PCED1B: variants seen among roughly 807,000 people sequenced by gnomAD.
PCED1B encodes PC-esterase domain-containing protein 1B.
For synonymous variants in PCED1B, 251 were observed against 246.1 expected (o/e 1.02, Z -0.19); for missense variants, 573 against 573.9 (o/e 1.00, Z 0.02).
At chr12:47,192,514 A>C (rs1380800063) in intron 2 of PCED1B, among the ~76,000 whole-genome samples, 1 of 152,190 alleles carries the variant, frequency 6.6e-6, no homozygotes, top group Non-Finnish European at 1.5e-5. Context: ...TCACTTGGAG[A>C]GTCCACTTTA....
chr12:47,085,650 A>C (rs577945687), intron 1 of PCED1B, among the ~76,000 whole-genome samples: 7 of 152,300 alleles, frequency 4.6e-5, no homozygotes, highest in African/African-American at 1.7e-4. Context: ...TAAAAGAAAA[A>C]ATATATATGT....
Position 47,104,183 on chromosome 12 carries a change from C to T in PCED1B, c.-538C>T, listed in dbSNP as rs1020072059. The stretch of plus-strand genomic sequence containing the variant: ...GTCAGGGGAGTGTTGAAGACTCTGC[C>T]TCCTACAAATATGTGAGTTTTTCTC... On this transcript the variant is annotated 5_prime_UTR_variant, in exon 2 of 4. Transcript: ENST00000546455. The T allele has an allele frequency of 3.3e-5, 5 of 152,166 alleles. No individual in the cohort carries two copies. The highest frequency in any genetic ancestry group is 5.9e-5 in the Non-Finnish European group (4 of 68,030). The allele number at this position is 152,166 out of a possible 1,614,324, so 9.4% of individuals were successfully genotyped here.
Position 47,089,181 on chromosome 12 carries a change from G to A in PCED1B, c.-609+9456G>A, listed in dbSNP as rs553778445. Reference sequence around the variant, plus strand: ...CAAAAGGCCAGGCGTGGTGGCTCACGCCTGTAATCCCAGCACTTTGGGAGG... The same window carrying A: ...CAAAAGGCCAGGCGTGGTGGCTCACACCTGTAATCCCAGCACTTTGGGAGG... On this transcript the variant is annotated intron_variant, in intron 1 of 3. Coordinates refer to ENST00000546455, the MANE Select transcript of PCED1B (RefSeq NM_138371.3). Among the ~76,000 whole-genome samples, 665 of 151,994 alleles carry A rather than the reference G, an allele frequency of 4.4e-3. 3 individuals carry two copies. The highest frequency in any genetic ancestry group is 7.7e-3 in the Non-Finnish European group (526 of 67,952).
At chr12:47,209,067 T>C (rs1942998973) in intron 2 of PCED1B, 1 of 152,280 alleles carries the variant, frequency 6.6e-6, no homozygotes, top group African/African-American at 2.4e-5. Flanking sequence ...TCTATGCTGC[T>C]CAGGACACAG....
At chr12:47,115,080 G>C (rs1172534939) in intron 2 of PCED1B, among the ~76,000 whole-genome samples, 1 of 152,100 alleles carries the variant, frequency 6.6e-6, no homozygotes, top group Non-Finnish European at 1.5e-5. Flanking sequence ...GTATAAAAAG[G>C]TATATAATAA....
At chr12:47,211,653 CAAAAAA>C (rs760117906) in intron 2 of PCED1B, among the ~76,000 whole-genome samples, 1 of 65,644 alleles carries the variant, frequency 1.5e-5, no homozygotes, top group Non-Finnish European at 2.9e-5. Flanking sequence ...GACTCTGTCT[CAAAAAA>C]AAAAAAAAAA....
chr12:47,153,133 A>C (rs1393175568), intron 2 of PCED1B, among the ~76,000 whole-genome samples: 1 of 151,976 alleles, frequency 6.6e-6, no homozygotes, highest in Non-Finnish European at 1.5e-5. Context: ...GCAGATCACG[A>C]GGTCAGGAGA....
At chr12:47,121,824 C>T (rs559265341) in intron 2 of PCED1B, among the ~76,000 whole-genome samples, 27 of 151,994 alleles carry the variant, frequency 1.8e-4, no homozygotes, top group African/African-American at 6.3e-4. Context: ...TTGAGGTCAG[C>T]AGTTCGAGAC....
chr12:47,235,810 C>T lies in PCED1B; in HGVS notation c.747C>T (p.Ala249=). ...CCCAGCTGCTGCTGGCCCACGTGGC[C>T]GACGCCTGGGGTGTGGAGCTGCCCC... is the stretch of plus-strand genomic sequence containing the variant. ...CLSQLLLAHV[A]DAWGVELPHR... is the part of the protein sequence containing the mutation. Residue 249 remains alanine (A), a synonymous_variant, in exon 4 of 4, where the codon GCC becomes GCT. Transcript: ENST00000546455. The T allele has an allele frequency of 1.3e-6, 2 of 1,576,628 alleles. No homozygotes were observed. The highest frequency in any genetic ancestry group is 1.7e-6 in the Non-Finnish European group (2 of 1,161,318).
intron 2 of PCED1B, among the ~76,000 whole-genome samples, chr12:47,191,488 G>A (rs1236270035): frequency 3.3e-5 from 5 of 152,118 alleles, no homozygotes; most frequent in Non-Finnish European, 7.4e-5. Context: ...CCAGGCAAAC[G>A]TTCACATGTT....
At chr12:47,087,898 C>G (rs1565738904) in intron 1 of PCED1B, among the ~76,000 whole-genome samples, 1 of 152,184 alleles carries the variant, frequency 6.6e-6, no homozygotes, top group Admixed American at 6.5e-5. Context: ...AGTAGTGTCT[C>G]TCTCCTGCAC....
chr12:47,090,838 T>G (rs980147416), intron 1 of PCED1B, among the ~76,000 whole-genome samples: 1 of 152,138 alleles, frequency 6.6e-6, no homozygotes, highest in Non-Finnish European at 1.5e-5. Context: ...GGTTTAACTA[T>G]TTTGTTGTTC....
chr12:47,169,580 A>G (rs1442201953), intron 2 of PCED1B, among the ~76,000 whole-genome samples: 2 of 152,160 alleles, frequency 1.3e-5, no homozygotes, highest in East Asian at 3.8e-4. Context: ...AGAATTCTGA[A>G]AGACATATAT....
At chr12:47,206,756 A>C (rs1056618011) in intron 2 of PCED1B, among the ~76,000 whole-genome samples, 29 of 142,324 alleles carry the variant, frequency 2.0e-4, no homozygotes, top group African/African-American at 7.1e-4. Flanking sequence ...CGCCCCCGCA[A>C]CAAAAAAAAA....
chr12:47,186,705 G>A (rs1942280225), intron 2 of PCED1B, among the ~76,000 whole-genome samples: 1 of 152,148 alleles, frequency 6.6e-6, no homozygotes, highest in Admixed American at 6.5e-5. Flanking sequence ...GCTTTCAGAA[G>A]GAGCATGGCC....
At chr12:47,206,087 G>T (rs1330936585) in intron 2 of PCED1B, 1 of 152,216 alleles carries the variant, frequency 6.6e-6, no homozygotes, top group East Asian at 1.9e-4. Context: ...GAGGGCACAA[G>T]ATCAGATGAA....
intron 1 of PCED1B, among the ~76,000 whole-genome samples, chr12:47,084,097 C>T (rs947979644): frequency 4.6e-5 from 7 of 152,098 alleles, no homozygotes; most frequent in Non-Finnish European, 8.8e-5. Context: ...CCAAAAAAAA[C>T]TCAATAAATA....
chr12:47,226,898 A>G (rs1241344894), intron 3 of PCED1B, among the ~76,000 whole-genome samples: 1 of 152,186 alleles, frequency 6.6e-6, no homozygotes, highest in Non-Finnish European at 1.5e-5. Flanking sequence ...AGCTCTGAAA[A>G]TGGATGCTAT....
intron 2 of PCED1B, among the ~76,000 whole-genome samples, chr12:47,158,365 T>C (rs190133213): frequency 6.6e-6 from 1 of 152,328 alleles, no homozygotes; most frequent in East Asian, 1.9e-4. Context: ...TGCGAGGTGG[T>C]CTCCCTTTCC....
Sources: allele counts gnomAD v4.1 joint callset (sites outside exome capture counted in the v4.1 genomes callset), GRCh38; gene constraint gnomAD v4.1.1; transcripts MANE v1.5; gene names NCBI Gene and HGNC (gene_info 2026-07-23, HGNC 2026-07-21).